Variants in ZFHX3 observed in about 807,000 individuals in gnomAD.
The protein encoded by ZFHX3 is zinc finger homeobox protein 3.
ZFHX3 carries 42 observed loss-of-function variants against 279.1 expected under a neutral mutation model. The observed-to-expected ratio is 0.15, with a 90% CI of 0.12 to 0.19. The LOEUF (loss-of-function observed/expected upper bound fraction) is 0.19, where lower values mean the gene tolerates loss of function less well. ZFHX3 is among the 10% of genes least tolerant of loss of function. ZFHX3 has a pLI of 1.00. For missense variants in ZFHX3, 4,981 were observed against 4,754.0 expected, an observed-to-expected ratio of 1.05 and a Z score of -1.40; for synonymous variants, 2,293 against 1,957.8, an observed-to-expected ratio of 1.17 and a Z score of -4.52.
rs1428708269 is a variant in ZFHX3 at position 72,798,163 on chromosome 16, C to G, written c.4519G>C (p.Gly1507Arg). The G allele has an allele frequency of 6.2e-7, 1 of 1,614,126 alleles. No individual in the cohort carries two copies. The change falls in exon 9 of 10, where the codon GGC (glycine) becomes CGC (arginine). Residue 1507 changes from glycine (G) to arginine (R), a missense_variant. Physicochemically the swap from Gly to Arg is moderately radical, Grantham distance 125. Coordinates refer to ENST00000268489, the MANE Select transcript of ZFHX3 (RefSeq NM_006885.4). ...TCTTGTACTGACCCAGAGTCACTGC[C>G]CGTTGGGCTCTGTTTATCTTCCAAG... ...SDLEDKQSPT[G>R]SDSGSVQEDS...
At chr16:73,230,441 A>C (rs961425728) in intron 5 of ZFHX3, among the ~76,000 whole-genome samples, 2 of 152,214 alleles carry the variant, frequency 1.3e-5, no homozygotes, top group Non-Finnish European at 2.9e-5. Context: ...ATGATATAAA[A>C]AAAATACATG....
At position 73,375,609 on chromosome 16, in the gene ZFHX3, T is replaced by G. The variant is rs1597307340; in HGVS notation, c.-1290-57273A>C. 2.0e-5 allele frequency among the ~76,000 whole-genome samples: 3 copies of G among 152,230 alleles called. No homozygotes were observed. In the South Asian group the frequency reaches 6.2e-4, roughly 32 times the overall value. The stretch of plus-strand genomic sequence containing the variant: ...GATAAAATACATTATAAGTTTATAC[T>G]GATACTTCCCATTCAAATTCAGTTA... On this transcript the variant is annotated intron_variant, in intron 3 of 17. Coordinates refer to the ZFHX3 transcript ENST00000641206.
At chr16:73,301,166 C>T (rs564217898) in intron 4 of ZFHX3, among the ~76,000 whole-genome samples, 45 of 152,286 alleles carry the variant, frequency 3.0e-4, no homozygotes, top group Non-Finnish European at 5.9e-4. Context: ...TTGGGGCCAT[C>T]CCTACAGAGG....
chr16:73,391,204 G>A lies in ZFHX3; in HGVS notation c.-1291+64799C>T, dbSNP rs147897697. ...AAGACCCTAGGTTTTGGCCAGACGC[G>A]GTGGCTCATGCCTGTAATTCCAGCA... On this transcript the variant is annotated intron_variant, in intron 3 of 17. Transcript: ENST00000641206. Among the ~76,000 whole-genome samples, 446 of 152,204 alleles carry A rather than the reference G, an allele frequency of 2.9e-3. 1 individual carries two copies. Among genetic ancestry groups the A allele is most frequent in the African/African-American group, 0.01 (419 of 41,542 alleles).
intron 4 of ZFHX3, among the ~76,000 whole-genome samples, chr16:72,836,049 T>A (rs12595874): frequency 0.033 from 5,100 of 152,310 alleles, 611 homozygotes; most frequent in East Asian, 0.29. Context: ...ATAGAAACTT[T>A]TAACGGAACA....
chr16:73,757,520 T>C (rs1311129846), intron 1 of ZFHX3, among the ~76,000 whole-genome samples: 4 of 152,178 alleles, frequency 2.6e-5, no homozygotes, highest in Non-Finnish European at 4.4e-5. Flanking sequence ...CAGTAGGGAA[T>C]GTTTTTTTTT....
chr16:73,227,595 T>C (rs2012635757), intron 5 of ZFHX3, among the ~76,000 whole-genome samples: 2 of 152,124 alleles, frequency 1.3e-5, no homozygotes, highest in African/African-American at 4.8e-5. Context: ...ACATCTGTAA[T>C]CCGAGGACTT....
intron 8 of ZFHX3, among the ~76,000 whole-genome samples, chr16:73,075,182 C>T (rs1965873081): frequency 6.6e-6 from 1 of 152,100 alleles, no homozygotes; most frequent in African/African-American, 2.4e-5. Context: ...GGTGTGGTGG[C>T]TCATGCCTGT....
At chr16:73,035,396 T>A (rs1472418260) in intron 1 of ZFHX3, among the ~76,000 whole-genome samples, 1 of 152,204 alleles carries the variant, frequency 6.6e-6, no homozygotes, top group African/African-American at 2.4e-5. Context: ...CAGGCGGGAT[T>A]CTAAGTGTTC....
chr16:73,797,189 G>A (rs1346769884), intron 1 of ZFHX3, among the ~76,000 whole-genome samples: 1 of 147,694 alleles, frequency 6.8e-6, no homozygotes, highest in Non-Finnish European at 1.5e-5. Flanking sequence ...GGTGACAAGA[G>A]TGAAACTCTA....
At chr16:73,737,180 C>T (rs1014460979) in intron 1 of ZFHX3, among the ~76,000 whole-genome samples, 3 of 152,104 alleles carry the variant, frequency 2.0e-5, no homozygotes, top group Non-Finnish European at 4.4e-5. Flanking sequence ...ATTACAGGCA[C>T]ATGCTACCAC....
rs537296641 is a variant in ZFHX3, at chr16:73,806,038, C to T, written c.-1608+85613G>A. 1.9e-3 allele frequency among the ~76,000 whole-genome samples: 293 copies of T among 152,236 alleles called. 1 individual carries two copies. Among genetic ancestry groups the T allele is most frequent in the Admixed American group, 3.0e-3 (46 of 15,292 alleles). On this transcript the variant is annotated intron_variant, in intron 1 of 17. Coordinates refer to the ZFHX3 transcript ENST00000641206. ...AGCCTCAGGAAACTTACAATCATGG[C>T]GAAAGGCATCTCTTCACAGGGTGGC...
chr16:73,659,606 CT>C (rs2052759009), intron 2 of ZFHX3, among the ~76,000 whole-genome samples: 1 of 151,990 alleles, frequency 6.6e-6, no homozygotes, highest in African/African-American at 2.4e-5. Context: ...TCAGGCTCCC[CT>C]GAAATAGAAA....
In ZFHX3 at chr16:73,148,033, C is replaced by CCAGA. The variant is rs546754923; in HGVS notation, c.-1103-4206_-1103-4203dup. 2.0e-3 allele frequency among the ~76,000 whole-genome samples: 302 copies of CCAGA among 152,276 alleles called. No individual in the cohort carries two copies. In the Middle Eastern group the frequency reaches 0.027, roughly 14 times the overall value. On this transcript the variant is annotated intron_variant, in intron 5 of 17. Coordinates refer to the ZFHX3 transcript ENST00000641206. ...CTTGACCACAGGGAGCTGACTTAGC[C>CCAGA]CAGAGCTTAGCAAGCTATGGCTGGC...
chr16:73,002,269 C>A (rs1425749775), intron 1 of ZFHX3, among the ~76,000 whole-genome samples: 1 of 152,182 alleles, frequency 6.6e-6, no homozygotes, highest in Admixed American at 6.5e-5. Context: ...AGGAGAACTC[C>A]ATCAGTAACT....
At chr16:73,765,377 G>T (rs2053920163) in intron 1 of ZFHX3, among the ~76,000 whole-genome samples, 1 of 152,200 alleles carries the variant, frequency 6.6e-6, no homozygotes, top group Non-Finnish European at 1.5e-5. Flanking sequence ...GGGGAAATAT[G>T]AACTTTGTGA....
intron 3 of ZFHX3, among the ~76,000 whole-genome samples, chr16:72,890,214 GT>G (rs1431433069): frequency 1.3e-5 from 2 of 152,152 alleles, no homozygotes; most frequent in Non-Finnish European, 2.9e-5. Context: ...TATGGGGGTG[GT>G]TCCCCCATGC....
At position 72,986,704 on chromosome 16, in the gene ZFHX3, T is replaced by C. The variant is rs187964726; in HGVS notation, c.-49-26510A>G. Among the ~76,000 whole-genome samples the C allele has an allele frequency of 3.3e-5, 5 of 152,328 alleles. No homozygotes were observed. The East Asian group carries it at 7.7e-4, about 24-fold the overall frequency. On this transcript the variant is annotated intron_variant, in intron 1 of 9. Transcript: ENST00000268489. ...TGCAATGCAGACATATTTTTCAATA[T>C]AAGTAGGCATCTCGCAGGTAGTATA...
chr16:73,552,484 A>G (rs1246053566), intron 2 of ZFHX3, among the ~76,000 whole-genome samples: 1 of 152,240 alleles, frequency 6.6e-6, no homozygotes, highest in African/African-American at 2.4e-5. Flanking sequence ...TGTAAGACAT[A>G]GAATCCATGA....
Sources: allele counts gnomAD v4.1 joint callset (sites outside exome capture counted in the v4.1 genomes callset), GRCh38; gene constraint gnomAD v4.1.1; transcripts MANE v1.5; gene names NCBI Gene and HGNC (gene_info 2026-07-23, HGNC 2026-07-21).